The following PAPPA2 variants were observed in gnomAD, a reference collection of about 807,000 sequenced individuals.
PAPPA2 encodes the protein pappalysin 2, also known as pappalysin-2.
Under a neutral mutation model 176.4 loss-of-function variants are expected in PAPPA2, and 86 were observed. The observed-to-expected ratio is 0.49, with a 90% CI of 0.41 to 0.58. The LOEUF (loss-of-function observed/expected upper bound fraction) is 0.58, where lower values mean the gene tolerates loss of function less well. Ranked by LOEUF, PAPPA2 falls within the 20% of genes least tolerant of loss-of-function variation. The pLI is 0.00. For missense variants in PAPPA2, 2,073 were observed against 2,256.9 expected (o/e 0.92, Z 1.65); for synonymous variants, 809 against 852.2 (o/e 0.95, Z 0.88).
At chr1:176,522,622 C>T (rs1319214653) in intron 1 of PAPPA2, among the ~76,000 whole-genome samples, 2 of 152,200 alleles carry the variant, frequency 1.3e-5, no homozygotes, top group African/African-American at 4.8e-5. Context: ...CAAGGGTGCC[C>T]AGTGCTGTTC....
At chr1:176,753,089 A>G (rs549967302) in intron 14 of PAPPA2, among the ~76,000 whole-genome samples, 4 of 152,286 alleles carry the variant, frequency 2.6e-5, no homozygotes, top group African/African-American at 9.6e-5. Context: ...GTCCCCAGAG[A>G]ATTTCTGGAA....
chr1:176,784,107 C>A (rs1310301618), intron 17 of PAPPA2, among the ~76,000 whole-genome samples: 1 of 152,174 alleles, frequency 6.6e-6, no homozygotes, highest in Non-Finnish European at 1.5e-5. Context: ...TTCCTGCCTA[C>A]AAATGAGGTA....
chr1:176,732,126 C>G (rs145643344), intron 12 of PAPPA2, among the ~76,000 whole-genome samples: 1 of 152,150 alleles, frequency 6.6e-6, no homozygotes, highest in Non-Finnish European at 1.5e-5. Flanking sequence ...AGCCCATGTA[C>G]AGATGGCACC....
intron 3 of PAPPA2, among the ~76,000 whole-genome samples, chr1:176,604,898 ATG>A (rs1410266274): frequency 6.6e-6 from 1 of 152,146 alleles, no homozygotes; most frequent in African/African-American, 2.4e-5. Flanking sequence ...GGATACTACT[ATG>A]TATGGAAAAA....
At chr1:176,754,280 C>T (rs1481767886) in intron 14 of PAPPA2, among the ~76,000 whole-genome samples, 3 of 152,168 alleles carry the variant, frequency 2.0e-5, no homozygotes, top group African/African-American at 4.8e-5. Flanking sequence ...AAGGAATAGA[C>T]TGATTTTAAA....
At chr1:176,568,353 T>C (rs2102608857) in intron 2 of PAPPA2, among the ~76,000 whole-genome samples, 1 of 152,352 alleles carries the variant, frequency 6.6e-6, no homozygotes, top group African/African-American at 2.4e-5. Flanking sequence ...CAAGCACTAC[T>C]GTGGTCTGTT....
intron 3 of PAPPA2, among the ~76,000 whole-genome samples, chr1:176,635,339 G>C (rs1026527865): frequency 1.3e-5 from 2 of 152,108 alleles, no homozygotes; most frequent in African/African-American, 4.8e-5. Flanking sequence ...ATACACTTTG[G>C]ATAGCAGCTC....
At chr1:176,502,541 G>C (rs990618270) in intron 1 of PAPPA2, among the ~76,000 whole-genome samples, 1 of 152,072 alleles carries the variant, frequency 6.6e-6, no homozygotes, top group Non-Finnish European at 1.5e-5. Context: ...CCTGTGTCTT[G>C]CTCCACCCTT....
intron 14 of PAPPA2, among the ~76,000 whole-genome samples, chr1:176,741,318 A>G (rs991054610): frequency 6.6e-6 from 1 of 152,110 alleles, no homozygotes; most frequent in Non-Finnish European, 1.5e-5. Context: ...AGGCCTCAGA[A>G]GATCCACATC....
intron 1 of PAPPA2, among the ~76,000 whole-genome samples, chr1:176,539,992 C>A (rs1301684551): frequency 6.6e-6 from 1 of 152,178 alleles, no homozygotes; most frequent in Non-Finnish European, 1.5e-5. Flanking sequence ...ACCTTTGTAT[C>A]CCCTTTCTGA....
At chr1:176,690,088 G>A in intron 4 of PAPPA2, 49 bp from the exon 5 acceptor site, 1 of 1,452,046 alleles carries the variant, frequency 6.9e-7, no homozygotes, top group African/African-American at 1.4e-5. Context: ...AAGGATTGGA[G>A]AGCTATTCAT....
At chr1:176,545,254 G>A (rs190749078) in intron 1 of PAPPA2, among the ~76,000 whole-genome samples, 6 of 151,912 alleles carry the variant, frequency 3.9e-5, no homozygotes, top group Non-Finnish European at 5.9e-5. Context: ...AGCTTGCTAC[G>A]AATAACAAAA....
chr1:176,607,626 C>G (rs1045439275), intron 3 of PAPPA2, among the ~76,000 whole-genome samples: 3 of 152,154 alleles, frequency 2.0e-5, no homozygotes, highest in African/African-American at 4.8e-5. Flanking sequence ...CTTAGGTTGA[C>G]TGGACTTTCT....
At chr1:176,516,294 C>T (rs183937364) in intron 1 of PAPPA2, among the ~76,000 whole-genome samples, 124 of 146,910 alleles carry the variant, frequency 8.4e-4, no homozygotes, top group African/African-American at 3.0e-3. Flanking sequence ...TTTTTTGTGA[C>T]AGGCCTTCAT....
chr1:176,580,646 T>C (rs1410016701), intron 2 of PAPPA2, among the ~76,000 whole-genome samples: 1 of 152,190 alleles, frequency 6.6e-6, no homozygotes, highest in East Asian at 1.9e-4. Context: ...CCAGCATTTT[T>C]TTTTTGTCTT....
At chr1:176,538,594 G>T (rs1042866126) in intron 1 of PAPPA2, among the ~76,000 whole-genome samples, 1 of 152,000 alleles carries the variant, frequency 6.6e-6, no homozygotes, top group Non-Finnish European at 1.5e-5. Context: ...GAAATGGAAC[G>T]TATAACCTTT....
chr1:176,518,173 A>G (rs1305740274), intron 1 of PAPPA2, among the ~76,000 whole-genome samples: 1 of 152,116 alleles, frequency 6.6e-6, no homozygotes, highest in African/African-American at 2.4e-5. Context: ...TCTTTCTATA[A>G]AGCCTTTGAG....
intron 14 of PAPPA2, among the ~76,000 whole-genome samples, chr1:176,741,479 T>A (rs1439004419): frequency 6.6e-6 from 1 of 152,190 alleles, no homozygotes; most frequent in African/African-American, 2.4e-5. Context: ...GGTGAACACG[T>A]GAGAGACTAC....
chr1:176,522,095 C>T (rs1465484995), intron 1 of PAPPA2, among the ~76,000 whole-genome samples: 1 of 152,200 alleles, frequency 6.6e-6, no homozygotes, highest in Admixed American at 6.5e-5. Flanking sequence ...GAAAGTCTCA[C>T]TGTTTCTTTT....
Sources: allele counts gnomAD v4.1 joint callset (sites outside exome capture counted in the v4.1 genomes callset), GRCh38; gene constraint gnomAD v4.1.1; transcripts MANE v1.5; gene names NCBI Gene and HGNC (gene_info 2026-07-23, HGNC 2026-07-21).